Variants in BRI3BP observed in about 807,000 individuals in gnomAD.
BRI3BP encodes the protein BRI3 binding protein, also known as BRI3-binding protein.
Under a neutral mutation model 15.8 loss-of-function variants are expected in BRI3BP, and 7 were observed. That is an observed-to-expected ratio of 0.44 (90% CI 0.25 to 0.83). The LOEUF is 0.83. Ranked by LOEUF, BRI3BP falls within the 40% of genes least tolerant of loss-of-function variation. The probability of loss-of-function intolerance (pLI) is 0.20; values close to 1 mark genes in which losing one functional copy is unlikely to be tolerated. For synonymous variants in BRI3BP, 192 were observed against 163.5 expected, an observed-to-expected ratio of 1.17 and a Z score of -1.33; for missense variants, 320 against 339.3, an observed-to-expected ratio of 0.94 and a Z score of 0.45.
intron 2 of BRI3BP, 109 bp downstream of exon 2, chr12:125,012,745 G>C (rs924382337): frequency 2.4e-6 from 2 of 848,116 alleles, no homozygotes; most frequent in Non-Finnish European, 2.0e-6. Context: ...GCGGAGGGCT[G>C]GTCAGTGAGG....
At chr12:125,036,681 G>A in the BRI3BP span, among the ~76,000 whole-genome samples, 1 of 152,184 alleles carries the variant, frequency 6.6e-6, no homozygotes, top group East Asian at 1.9e-4. Flanking sequence ...GAATGAATGT[G>A]TGCAGCCCCT....
the BRI3BP span, among the ~76,000 whole-genome samples, chr12:125,038,309 G>A: frequency 6.6e-6 from 1 of 151,958 alleles, no homozygotes; most frequent in African/African-American, 2.4e-5. Flanking sequence ...CAAGGGAAGG[G>A]GATGTGGGAT....
chr12:125,017,653 T>C (rs1329226922), intron 2 of BRI3BP, among the ~76,000 whole-genome samples: 1 of 152,176 alleles, frequency 6.6e-6, no homozygotes, highest in East Asian at 1.9e-4. Context: ...GCACAGCCTT[T>C]GTCCCCATTC....
downstream of BRI3BP, among the ~76,000 whole-genome samples, chr12:125,032,942 T>C (rs1955417495): frequency 6.6e-6 from 1 of 152,122 alleles, no homozygotes; most frequent in African/African-American, 2.4e-5. Flanking sequence ...TCCTCGGACC[T>C]AGAGGGTGCC....
intron 1 of BRI3BP, among the ~76,000 whole-genome samples, 178 bp downstream of exon 1, chr12:124,994,181 G>C (rs1396525934): frequency 2.0e-5 from 3 of 151,798 alleles, no homozygotes; most frequent in African/African-American, 7.2e-5. Context: ...GGCCTGACCA[G>C]TGCGGGTCTG....
intron 1 of BRI3BP, among the ~76,000 whole-genome samples, chr12:124,994,340 A>C (rs888659454): frequency 1.1e-4 from 17 of 151,610 alleles, no homozygotes; most frequent in African/African-American, 3.6e-4. Flanking sequence ...AATGGCTCCT[A>C]CTGTGAGCCA....
At chr12:125,024,910 A>T in intron 2 of BRI3BP, 81 bp from the exon 3 acceptor site, 1 of 1,309,198 alleles carries the variant, frequency 7.6e-7, no homozygotes, top group Non-Finnish European at 1.1e-6. Flanking sequence ...CCCACAGGCC[A>T]GCTCAACTAT....
At chr12:125,040,473 C>T in the BRI3BP span, among the ~76,000 whole-genome samples, 138 of 149,490 alleles carry the variant, frequency 9.2e-4, no homozygotes, top group African/African-American at 3.1e-3. Context: ...GCCTCCTGAG[C>T]AGCTGGGATT....
At chr12:125,002,448 T>G in intron 1 of BRI3BP, among the ~76,000 whole-genome samples, 1 of 149,520 alleles carries the variant, frequency 6.7e-6, no homozygotes, top group East Asian at 2.0e-4. Flanking sequence ...GAACTGGTTT[T>G]TTTTTTTGTT....
At chr12:125,017,970 C>T (rs1954799815) in intron 2 of BRI3BP, among the ~76,000 whole-genome samples, 1 of 152,130 alleles carries the variant, frequency 6.6e-6, no homozygotes, top group Non-Finnish European at 1.5e-5. Context: ...ATCAGCGAGT[C>T]ATGAGGACTG....
chr12:125,034,385 A>G (rs567629627), downstream of BRI3BP, among the ~76,000 whole-genome samples: 63 of 152,192 alleles, frequency 4.1e-4, no homozygotes, highest in Non-Finnish European at 7.8e-4. Flanking sequence ...AGCTTTATCA[A>G]TGTAAAATTG....
intron 1 of BRI3BP, among the ~76,000 whole-genome samples, 157 bp downstream of exon 1, chr12:124,994,160 G>A (rs1465136668): frequency 6.6e-6 from 1 of 151,558 alleles, no homozygotes; most frequent in Non-Finnish European, 1.5e-5. Flanking sequence ...TGCCGCCTGC[G>A]GCCCCCGCCG....
intron 2 of BRI3BP, among the ~76,000 whole-genome samples, chr12:125,016,434 C>T (rs1039203238): frequency 1.4e-5 from 2 of 144,532 alleles, no homozygotes; most frequent in African/African-American, 2.6e-5. Flanking sequence ...TGTGAGCCCC[C>T]TAGGTGATGT....
chr12:125,044,438 C>G, the BRI3BP span, among the ~76,000 whole-genome samples: 1 of 148,198 alleles, frequency 6.7e-6, no homozygotes. Flanking sequence ...TGTGAGTCAC[C>G]ATGCCCGGCC....
the BRI3BP span, among the ~76,000 whole-genome samples, chr12:125,050,365 ATAAAT>A: frequency 6.6e-6 from 1 of 151,954 alleles, no homozygotes. Flanking sequence ...AAAAAAAAGA[ATAAAT>A]TAATAATCAA....
At chr12:124,995,169 C>T (rs1011062615) in intron 1 of BRI3BP, among the ~76,000 whole-genome samples, 31 of 152,164 alleles carry the variant, frequency 2.0e-4, no homozygotes, top group Admixed American at 1.4e-3. Flanking sequence ...ACCTCCCTCT[C>T]CTGTGGGCAG....
At chr12:125,012,498 A>T in intron 1 of BRI3BP, 36 bp from the exon 2 acceptor site, 1 of 1,497,324 alleles carries the variant, frequency 6.7e-7, no homozygotes, top group Non-Finnish European at 9.3e-7. Context: ...GGAGGAAAAC[A>T]GTGATTGGGT....
In BRI3BP at chr12:125,024,975, C is replaced by G; in HGVS notation, c.317-16C>G. On this transcript the variant is annotated splice_polypyrimidine_tract_variant and intron_variant, in intron 2 of 2. Transcript: ENST00000341446. ...CCCCTGCGTAACGAGCCCTGTTCCTCTTTTCTGTCCCGCAGTCTCCAACCT... is the reference window on the plus strand; with the variant it reads ...CCCCTGCGTAACGAGCCCTGTTCCTGTTTTCTGTCCCGCAGTCTCCAACCT... 2 of 1,601,140 alleles carry G rather than the reference C, an allele frequency of 1.2e-6. No homozygotes were observed. Among genetic ancestry groups the G allele is most frequent in the Non-Finnish European group, 1.7e-6 (2 of 1,171,430 alleles).
chr12:125,005,809 T>G (rs1193407534), intron 1 of BRI3BP, among the ~76,000 whole-genome samples: 2 of 151,700 alleles, frequency 1.3e-5, no homozygotes, highest in Non-Finnish European at 2.9e-5. Flanking sequence ...CCCGATAAGA[T>G]TCAGGCTTGC....
Sources: allele counts gnomAD v4.1 joint callset (sites outside exome capture counted in the v4.1 genomes callset), GRCh38; gene constraint gnomAD v4.1.1; transcripts MANE v1.5; gene names NCBI Gene and HGNC (gene_info 2026-07-23, HGNC 2026-07-21).